The following DENND1A variants were observed in gnomAD, a reference collection of about 807,000 sequenced individuals.
DENND1A encodes DENN domain containing 1A.
In DENND1A, 51 loss-of-function variants were observed where a neutral mutation model predicts 113.7. The observed-to-expected ratio is 0.45, with a 90% CI of 0.36 to 0.57. The LOEUF is 0.57. Ranked by LOEUF, DENND1A falls within the 20% of genes least tolerant of loss-of-function variation. DENND1A has a pLI of 0.00. For missense variants in DENND1A, 1,258 were observed against 1,395.9 expected, an observed-to-expected ratio of 0.90 and a Z score of 1.57; for synonymous variants, 565 against 570.8, an observed-to-expected ratio of 0.99 and a Z score of 0.14.
At chr9:123,425,086 AC>A (rs1194204499) in intron 19 of DENND1A, among the ~76,000 whole-genome samples, 2 of 152,236 alleles carry the variant, frequency 1.3e-5, no homozygotes, top group Non-Finnish European at 1.5e-5. Flanking sequence ...AGCCACAGAT[AC>A]AGAGCTGACT....
chr9:123,576,046 C>T (rs868388301), intron 12 of DENND1A, among the ~76,000 whole-genome samples: 3 of 152,194 alleles, frequency 2.0e-5, no homozygotes, highest in Non-Finnish European at 4.4e-5. Context: ...TCTTTCCCCA[C>T]AAAATGTTTT....
chr9:123,440,517 T>G, intron 18 of DENND1A, 26 bp from the exon 19 acceptor site: 1 of 1,534,670 alleles, frequency 6.5e-7, no homozygotes, highest in African/African-American at 1.5e-5. Context: ...TAGTCAGCGG[T>G]TGGCACTGGG....
At chr9:123,451,612 A>T (rs2047722776) in intron 17 of DENND1A, among the ~76,000 whole-genome samples, 1 of 152,158 alleles carries the variant, frequency 6.6e-6, no homozygotes, top group Admixed American at 6.5e-5. Flanking sequence ...CTTTATTTTG[A>T]CCCAATAATG....
At position 123,383,813 on chromosome 9, in the gene DENND1A, C is replaced by G; in HGVS notation, c.1861G>C (p.Ala621Pro). ...ATGCTGGCAGCCCGGTCAGGGGGAG[C>G]TGGGACAGGGCCTGTGGACTTCCGC... ...QVRKSTGPVP[A>P]PPDRAASIDL... Residue 621 changes from alanine (A) to proline (P), a missense_variant, in exon 23 of 24, where the codon GCT becomes CCT. By Grantham distance (27) the Ala-to-Pro change is conservative. Transcript: ENST00000394215. The G allele has an allele frequency of 6.2e-7, 1 of 1,613,994 alleles. No homozygotes were observed. Among genetic ancestry groups the G allele is most frequent in the Non-Finnish European group, 8.5e-7 (1 of 1,180,036 alleles).
At chr9:123,489,318 G>A (rs1370517292) in intron 13 of DENND1A, among the ~76,000 whole-genome samples, 1 of 152,238 alleles carries the variant, frequency 6.6e-6, no homozygotes, top group Non-Finnish European at 1.5e-5. Context: ...CGCTAGCACA[G>A]CAGTGGCACA....
intron 20 of DENND1A, among the ~76,000 whole-genome samples, chr9:123,404,279 T>C (rs1203948770): frequency 6.6e-6 from 1 of 152,158 alleles, no homozygotes; most frequent in Non-Finnish European, 1.5e-5. Flanking sequence ...TGATGGATGT[T>C]AGGCTGAGAA....
rs148476535 is a variant in DENND1A at position 123,540,171 on chromosome 9, G to C, written c.993+17399C>G. 4.6e-3 allele frequency among the ~76,000 whole-genome samples: 703 copies of C among 152,252 alleles called. 6 individuals carry two copies. The highest frequency in any genetic ancestry group is 7.1e-3 in the Non-Finnish European group (485 of 68,014). ...CAGCTATAAATTAAATGGTTACTGT[G>C]GTATATTTTAAAAACTAATATTAAG... On this transcript the variant is annotated intron_variant, in intron 13 of 23. Coordinates refer to ENST00000394215, the MANE Select transcript of DENND1A (RefSeq NM_001352964.2).
intron 12 of DENND1A, among the ~76,000 whole-genome samples, chr9:123,576,556 TG>T (rs988920928): frequency 6.6e-6 from 1 of 152,144 alleles, no homozygotes; most frequent in Admixed American, 6.5e-5. Context: ...TGGAGTGCAG[TG>T]GGGCAGCCTC....
At chr9:123,413,689 C>T (rs1294812074) in intron 19 of DENND1A, 17 of 985,396 alleles carry the variant, frequency 1.7e-5, no homozygotes, top group East Asian at 1.1e-4. Flanking sequence ...ATTAGCTGGG[C>T]GTGAGGGCTG....
chr9:123,656,180 T>C (rs926948343), intron 8 of DENND1A, among the ~76,000 whole-genome samples: 4 of 151,656 alleles, frequency 2.6e-5, no homozygotes, highest in African/African-American at 9.7e-5. Flanking sequence ...AGAAGCATAT[T>C]CCAGGCAGAG....
chr9:123,689,363 A>C (rs1406544759), intron 5 of DENND1A, among the ~76,000 whole-genome samples: 1 of 152,228 alleles, frequency 6.6e-6, no homozygotes, highest in Non-Finnish European at 1.5e-5. Context: ...GATTGAATGA[A>C]TGCAGGAAAG....
At chr9:123,426,317 G>A (rs907591640) in intron 19 of DENND1A, among the ~76,000 whole-genome samples, 1 of 152,222 alleles carries the variant, frequency 6.6e-6, no homozygotes, top group Non-Finnish European at 1.5e-5. Context: ...CGAGGAGAGA[G>A]ACACAGGACC....
intron 2 of DENND1A, among the ~76,000 whole-genome samples, chr9:123,835,395 TAA>T (rs993655991): frequency 3.9e-5 from 6 of 152,250 alleles, no homozygotes; most frequent in African/African-American, 1.4e-4. Flanking sequence ...AGCAAAATGA[TAA>T]AAGGCGGCTT....
At chr9:123,505,554 A>G (rs1031120047) in intron 13 of DENND1A, among the ~76,000 whole-genome samples, 13 of 152,208 alleles carry the variant, frequency 8.5e-5, no homozygotes, top group Admixed American at 7.2e-4. Flanking sequence ...TTCATTAACT[A>G]AACCAAACTC....
At chr9:123,827,417 A>ATG (rs1839520818) in intron 2 of DENND1A, among the ~76,000 whole-genome samples, 1 of 144,810 alleles carries the variant, frequency 6.9e-6, no homozygotes, top group Admixed American at 6.9e-5. Context: ...ATATATATAT[A>ATG]GGTGGGAGGA....
chr9:123,733,902 G>A (rs1245635635), intron 5 of DENND1A, among the ~76,000 whole-genome samples: 9 of 152,040 alleles, frequency 5.9e-5, no homozygotes, highest in African/African-American at 1.7e-4. Flanking sequence ...TCCTGACCTC[G>A]TAATCCACCT....
At chr9:123,845,749 TAAAC>T (rs200824974) in intron 2 of DENND1A, among the ~76,000 whole-genome samples, 169 of 118,750 alleles carry the variant, frequency 1.4e-3, no homozygotes, top group African/African-American at 5.3e-3. Context: ...TAAAACCTAA[TAAAC>T]AAACAAACAA....
chr9:123,651,005 A>C (rs1356883677), intron 9 of DENND1A, among the ~76,000 whole-genome samples: 1 of 151,900 alleles, frequency 6.6e-6, no homozygotes, highest in Non-Finnish European at 1.5e-5. Flanking sequence ...CAATGTCACT[A>C]GTAGAATTTA....
chr9:123,804,426 T>C (rs1202402024), intron 2 of DENND1A, among the ~76,000 whole-genome samples: 1 of 152,212 alleles, frequency 6.6e-6, no homozygotes, highest in Non-Finnish European at 1.5e-5. Context: ...AGCATCCCAC[T>C]CTCCTGCCTC....
Sources: gnomAD v4.1 joint callset for allele counts (sites outside exome capture counted in the v4.1 genomes callset) on GRCh38, gnomAD v4.1.1 for gene constraint, MANE v1.5 for transcripts, NCBI Gene and HGNC (gene_info 2026-07-23, HGNC 2026-07-21) for gene names.